Variants in RASA2 observed in about 807,000 individuals in gnomAD.
The protein encoded by RASA2 is ras GTPase-activating protein 2.
Under a neutral mutation model 118.2 loss-of-function variants are expected in RASA2, and 155 were observed. The observed-to-expected ratio is 1.31, with a 90% confidence interval of 1.15 to 1.50. RASA2 has a LOEUF of 1.50. Among genes scored for constraint, RASA2 ranks in the 40% most tolerant of loss-of-function variants. The pLI is 0.00. For missense variants in RASA2, 1,016 were observed against 1,009.6 expected (o/e 1.01, Z -0.09); for synonymous variants, 353 against 349.1 (o/e 1.01, Z -0.12).
chr3:141,509,530 AATT>A (rs1327636754), intron 1 of RASA2, among the ~76,000 whole-genome samples: 3 of 152,230 alleles, frequency 2.0e-5, no homozygotes, highest in Non-Finnish European at 2.9e-5. Flanking sequence ...TTAAGTAGAA[AATT>A]ATTATGGTCT....
chr3:141,497,533 T>G (rs1188113000), intron 1 of RASA2, among the ~76,000 whole-genome samples: 2 of 152,076 alleles, frequency 1.3e-5, no homozygotes, highest in Non-Finnish European at 2.9e-5. Flanking sequence ...TTGTAACATT[T>G]TGAGTGCTAT....
rs186183445 is a variant in RASA2 at position 141,543,995 on chromosome 3, C to A, written c.527+3386C>A. Among the ~76,000 whole-genome samples the A allele has an allele frequency of 8.6e-5, 13 of 151,240 alleles. No individual in the cohort carries two copies. The East Asian group carries it at 2.5e-3, about 29-fold the overall frequency. The stretch of plus-strand genomic sequence containing the variant: ...GATTCAAGCGATTTTCATGCCTCAG[C>A]CTCCTAAGTAGCTGGAATTACAGGC... On this transcript the variant is annotated intron_variant, in intron 5 of 23. Coordinates refer to ENST00000286364, the MANE Select transcript of RASA2 (RefSeq NM_006506.5).
chr3:141,510,775 A>G (rs1447863432), intron 1 of RASA2, among the ~76,000 whole-genome samples: 1 of 152,142 alleles, frequency 6.6e-6, no homozygotes, highest in Non-Finnish European at 1.5e-5. Flanking sequence ...AAAACTAAAC[A>G]CTGACCGGGG....
chr3:141,554,994 G>C (rs1430565535), intron 6 of RASA2, among the ~76,000 whole-genome samples: 2 of 152,174 alleles, frequency 1.3e-5, no homozygotes, highest in African/African-American at 4.8e-5. Context: ...GGCGCAGGTG[G>C]CTCACGCCTG....
chr3:141,569,948 T>C (rs1011277522), intron 9 of RASA2, among the ~76,000 whole-genome samples: 1 of 152,174 alleles, frequency 6.6e-6, no homozygotes, highest in Non-Finnish European at 1.5e-5. Context: ...TCCATGTTAG[T>C]GCAAAGGACA....
At chr3:141,494,129 T>C (rs2081670494) in intron 1 of RASA2, among the ~76,000 whole-genome samples, 1 of 152,214 alleles carries the variant, frequency 6.6e-6, no homozygotes. Flanking sequence ...ATTACTACAA[T>C]GAATAACCTT....
At chr3:141,575,154 T>C (rs1331324554) in intron 14 of RASA2, among the ~76,000 whole-genome samples, 6 of 152,182 alleles carry the variant, frequency 3.9e-5, no homozygotes. Context: ...TAACCAGCTG[T>C]GCAAAACTGT....
chr3:141,580,838 A>G (rs1297827255), intron 16 of RASA2, among the ~76,000 whole-genome samples: 9 of 152,080 alleles, frequency 5.9e-5, no homozygotes, highest in African/African-American at 2.2e-4. Flanking sequence ...CATTAAAAAA[A>G]AAAAAAAGCA....
At chr3:141,567,668 A>G (rs1287882390) in intron 9 of RASA2, among the ~76,000 whole-genome samples, 1 of 152,222 alleles carries the variant, frequency 6.6e-6, no homozygotes, top group East Asian at 1.9e-4. Flanking sequence ...CCCTCCCTTT[A>G]CTGTAGCAAG....
At chr3:141,526,207 C>G (rs1254003565) in intron 3 of RASA2, 1 of 152,200 alleles carries the variant, frequency 6.6e-6, no homozygotes, top group Non-Finnish European at 1.5e-5. Flanking sequence ...TGTCTCCTAC[C>G]TGGTAGAGAC....
At chr3:141,590,269 A>C (rs1025495834) in intron 19 of RASA2, 1 of 413,378 alleles carries the variant, frequency 2.4e-6, no homozygotes, top group Non-Finnish European at 4.9e-6. Flanking sequence ...AGCTAAATGC[A>C]TTTACTCCGC....
chr3:141,582,180 A>G (rs2083124474), intron 17 of RASA2, among the ~76,000 whole-genome samples: 1 of 152,214 alleles, frequency 6.6e-6, no homozygotes, highest in South Asian at 2.1e-4. Flanking sequence ...GTTGAGATAC[A>G]TGTTTGAGCC....
intron 19 of RASA2, among the ~76,000 whole-genome samples, chr3:141,597,269 T>TA (rs199665952): frequency 0.012 from 1,883 of 152,068 alleles, 42 homozygotes; most frequent in African/African-American, 0.043. Context: ...CTACTAGCAG[T>TA]AAAAAAGATT....
At chr3:141,575,941 C>T (rs2083004037) in intron 14 of RASA2, among the ~76,000 whole-genome samples, 1 of 152,126 alleles carries the variant, frequency 6.6e-6, no homozygotes, top group African/African-American at 2.4e-5. Context: ...CCACGCCTGG[C>T]TAATTTTGTA....
chr3:141,515,638 A>G (rs1024745569), intron 2 of RASA2, among the ~76,000 whole-genome samples: 1 of 152,010 alleles, frequency 6.6e-6, no homozygotes, highest in Non-Finnish European at 1.5e-5. Flanking sequence ...ACATTAGCTC[A>G]CTCCTGTAAT....
intron 1 of RASA2, among the ~76,000 whole-genome samples, chr3:141,496,097 G>A (rs764948843): frequency 2.0e-4 from 31 of 152,312 alleles, no homozygotes; most frequent in Middle Eastern, 3.4e-3. Flanking sequence ...GCCGGTGCTG[G>A]GAAAACTGGC....
intron 9 of RASA2, among the ~76,000 whole-genome samples, chr3:141,560,535 G>A (rs1276095339): frequency 6.6e-6 from 1 of 152,058 alleles, no homozygotes; most frequent in Non-Finnish European, 1.5e-5. Flanking sequence ...AGGGCTCTTG[G>A]TTTTCAATAA....
In RASA2 at chr3:141,586,041, C is replaced by A; in HGVS notation, c.1769C>A (p.Ser590Ter). The A allele has an allele frequency of 6.2e-7, 1 of 1,609,846 alleles. No individual in the cohort carries two copies. Among genetic ancestry groups the A allele is most frequent in the Non-Finnish European group, 8.5e-7 (1 of 1,176,506 alleles). ...CCCATTTAGTTCTTGGATGAAATTT[C>A]ATCTACTGAAACTAAAGAGTCCAGT... ...IAVKKFLDEI[S>*]STETKESSGT... Residue 590 changes from serine to a stop codon, truncating the protein, a stop_gained, in exon 18 of 24, where the codon TCA (serine) becomes TAA (stop). Transcript: ENST00000286364. LOFTEE classifies it high-confidence loss of function.
intron 1 of RASA2, among the ~76,000 whole-genome samples, chr3:141,499,724 G>A (rs189092832): frequency 1.3e-5 from 2 of 152,012 alleles, no homozygotes; most frequent in East Asian, 3.9e-4. Context: ...TCAGCCTCCC[G>A]ATTAGCTGGG....
Sources: allele counts gnomAD v4.1 joint callset (sites outside exome capture counted in the v4.1 genomes callset), GRCh38; gene constraint gnomAD v4.1.1; transcripts MANE v1.5; gene names NCBI Gene and HGNC (gene_info 2026-07-23, HGNC 2026-07-21).